Variants in ALK observed in about 807,000 individuals in gnomAD.
ALK encodes the protein ALK tyrosine kinase receptor.
Under a neutral mutation model 163.1 loss-of-function variants are expected in ALK, and 74 were observed. The observed-to-expected ratio is 0.45, with a 90% CI of 0.38 to 0.55. ALK has a LOEUF of 0.55. Ranked by LOEUF, ALK falls within the 20% of genes least tolerant of loss-of-function variation. The pLI is 0.00. For missense variants in ALK, 2,063 were observed against 2,105.3 expected (o/e 0.98, Z 0.39); for synonymous variants, 960 against 843.2 (o/e 1.14, Z -2.40).
chr2:29,794,705 A>G (rs548501436), intron 1 of ALK, among the ~76,000 whole-genome samples: 1 of 152,180 alleles, frequency 6.6e-6, no homozygotes, highest in Non-Finnish European at 1.5e-5. Flanking sequence ...AGGTTGGTAG[A>G]GCAATCAGAG....
chr2:29,717,067 G>C (rs557044345), intron 2 of ALK, among the ~76,000 whole-genome samples: 2 of 150,822 alleles, frequency 1.3e-5, no homozygotes, highest in South Asian at 4.2e-4. Flanking sequence ...AGCTACTCGG[G>C]AGGCTGAGGC....
chr2:29,686,698 C>T (rs1183926561), intron 3 of ALK, among the ~76,000 whole-genome samples: 1 of 152,148 alleles, frequency 6.6e-6, no homozygotes, highest in Non-Finnish European at 1.5e-5. Flanking sequence ...CCATGAGGTT[C>T]AGTTAGGAGG....
intron 4 of ALK, among the ~76,000 whole-genome samples, chr2:29,516,798 G>T (rs1165166684): frequency 1.3e-5 from 2 of 152,262 alleles, no homozygotes; most frequent in South Asian, 4.1e-4. Flanking sequence ...CCAGCATATA[G>T]TAAGTGCTAT....
chr2:29,702,477 G>A (rs527910889), intron 2 of ALK, among the ~76,000 whole-genome samples: 174 of 152,248 alleles, frequency 1.1e-3, no homozygotes, highest in South Asian at 8.3e-3. Flanking sequence ...TGAGTCAGAG[G>A]ACACATCACC....
At chr2:29,440,385 C>T (rs181248858) in intron 4 of ALK, among the ~76,000 whole-genome samples, 269 of 145,054 alleles carry the variant, frequency 1.9e-3, no homozygotes, top group African/African-American at 6.4e-3. Context: ...GGTGCGATCT[C>T]CGCTCACTAT....
rs141839124 is a variant in ALK at position 29,708,985 on chromosome 2, C to G, written c.787+8593G>C. The stretch of plus-strand genomic sequence containing the variant: ...GTTTTGCACCTGAGGTTGCTCTCGA[C>G]AAAACATTTTAAGAGGATTTTCTCT... On this transcript the variant is annotated intron_variant, in intron 2 of 28. Coordinates refer to ENST00000389048, the MANE Select transcript of ALK (RefSeq NM_004304.5). Among the ~76,000 whole-genome samples the G allele has an allele frequency of 3.8e-3, 581 of 152,256 alleles. 4 individuals are homozygous for G. The highest frequency in any genetic ancestry group is 0.013 in the African/African-American group (552 of 41,530).
intron 3 of ALK, among the ~76,000 whole-genome samples, chr2:29,629,988 C>A (rs757719546): frequency 1.8e-4 from 28 of 152,172 alleles, no homozygotes; most frequent in Non-Finnish European, 3.5e-4. Flanking sequence ...TCCTCCCCAC[C>A]CCTGCCCATA....
At chr2:29,589,587 A>G (rs1674988107) in intron 3 of ALK, among the ~76,000 whole-genome samples, 1 of 152,178 alleles carries the variant, frequency 6.6e-6, no homozygotes, top group Admixed American at 6.5e-5. Context: ...TTGCTATGAC[A>G]CACTCAGAGA....
rs77289834 is a variant in ALK, at chr2:29,227,507, T to A, written c.2914+67A>T. On this transcript the variant is annotated intron_variant, in intron 17 of 28. Transcript: ENST00000389048. The surrounding 1 kb of genome is among the most constrained non-coding windows in gnomAD (Gnocchi z 4.4). The stretch of plus-strand genomic sequence containing the variant: ...TATCCTGGATACAGGTCAGAGACTC[T>A]GAGGTTTTAGCTTGGTGGGAGGACT... 3,343 of 1,338,942 alleles carry A rather than the reference T, an allele frequency of 2.5e-3. 72 individuals carry two copies. The African/African-American group carries it at 0.043, about 17-fold the overall frequency. The allele number at this position is 1,338,942 out of a possible 1,614,324, so 82.9% of individuals were successfully genotyped here. A position where few individuals can be genotyped will look rare whatever the true frequency, so the allele number is the denominator to read the frequency against.
intron 1 of ALK, among the ~76,000 whole-genome samples, chr2:29,776,323 T>A (rs1420250562): frequency 3.2e-5 from 4 of 126,504 alleles, no homozygotes; most frequent in African/African-American, 7.9e-5. Context: ...AGGCTGTTCA[T>A]CAAAAATCAA....
chr2:29,440,852 G>A (rs1670523350), intron 4 of ALK, among the ~76,000 whole-genome samples: 1 of 152,216 alleles, frequency 6.6e-6, no homozygotes, highest in African/African-American at 2.4e-5. Flanking sequence ...ATCAATATGA[G>A]ATCATTTAAA....
intron 13 of ALK, among the ~76,000 whole-genome samples, chr2:29,239,381 A>G: frequency 6.6e-6 from 1 of 152,150 alleles, no homozygotes; most frequent in East Asian, 1.9e-4. Context: ...TTCCCAAGCA[A>G]AAGCTGTGCT....
At position 29,522,161 on chromosome 2, in the gene ALK, A is replaced by G. The variant is rs183894203; in HGVS notation, c.1154+9754T>C. Among the ~76,000 whole-genome samples, 442 of 152,294 alleles carry G rather than the reference A, an allele frequency of 2.9e-3. 4 individuals are homozygous for G. The highest frequency in any genetic ancestry group is 0.01 in the African/African-American group (418 of 41,554). On this transcript the variant is annotated intron_variant, in intron 4 of 28. Coordinates refer to ENST00000389048, the MANE Select transcript of ALK (RefSeq NM_004304.5). ...CATAGAGTGGTGATTGGGAGCAGGG[A>G]CAGTGGAGCTGGATTAGCTGGGCTC...
chr2:29,756,537 T>TA (rs1194019765), intron 1 of ALK, among the ~76,000 whole-genome samples: 1 of 151,520 alleles, frequency 6.6e-6, no homozygotes, highest in East Asian at 1.9e-4. Flanking sequence ...TGATTTTTTT[T>TA]TTTTTTTTTG....
At chr2:29,754,473 G>A (rs948294735) in intron 1 of ALK, among the ~76,000 whole-genome samples, 1 of 152,096 alleles carries the variant, frequency 6.6e-6, no homozygotes, top group Non-Finnish European at 1.5e-5. Flanking sequence ...TCTGTGATGA[G>A]GAATACCAAA....
intron 4 of ALK, among the ~76,000 whole-genome samples, chr2:29,427,037 CAAAAAAAA>C (rs70958261): frequency 1.1e-3 from 43 of 40,130 alleles, no homozygotes; most frequent in African/African-American, 4.8e-3. Flanking sequence ...GACTCCGTCT[CAAAAAAAA>C]AAAAAAAAAA....
At chr2:29,868,317 A>C (rs1666492794) in intron 1 of ALK, among the ~76,000 whole-genome samples, 1 of 152,252 alleles carries the variant, frequency 6.6e-6, no homozygotes, top group Non-Finnish European at 1.5e-5. Context: ...TGTATTAGTC[A>C]CATTGTAGGC....
chr2:29,246,907 C>A lies in ALK; in HGVS notation c.2204+4198G>T, dbSNP rs2148193950. Reference sequence around the variant, plus strand: ...AGAGGCCTTTTGGGGGGTAACACTGCAGCCCCAGGACCTGGCCCTGCTGCC... The same window carrying A: ...AGAGGCCTTTTGGGGGGTAACACTGAAGCCCCAGGACCTGGCCCTGCTGCC... On this transcript the variant is annotated intron_variant, in intron 12 of 28. Transcript: ENST00000389048. This position sits in a 1 kb window ranked among gnomAD's most constrained non-coding sequence, Gnocchi z 4.3. 6.6e-6 allele frequency among the ~76,000 whole-genome samples: 1 copy of A among 152,332 alleles called. No individual in the cohort carries two copies. The highest frequency in any genetic ancestry group is 2.4e-5 in the African/African-American group (1 of 41,576).
rs1462099431 is a variant in ALK, at chr2:29,227,918, G to A, written c.2816-246C>T. Among the ~76,000 whole-genome samples, 1 of 152,180 alleles carries A rather than the reference G, an allele frequency of 6.6e-6. No individual in the cohort carries two copies. The highest frequency in any genetic ancestry group is 1.5e-5 in the Non-Finnish European group (1 of 68,036). On this transcript the variant is annotated intron_variant, in intron 16 of 28. Coordinates refer to ENST00000389048, the MANE Select transcript of ALK (RefSeq NM_004304.5). The surrounding 1 kb of genome is among the most constrained non-coding windows in gnomAD (Gnocchi z 4.4). ...CAGGCCAGCTCCCACTCTGCCGGTGGCCCACTAAGAAGTGGTTAATGTGAG... is the reference window on the plus strand; with the variant it reads ...CAGGCCAGCTCCCACTCTGCCGGTGACCCACTAAGAAGTGGTTAATGTGAG...
Sources: gnomAD v4.1 joint callset for allele counts (sites outside exome capture counted in the v4.1 genomes callset) on GRCh38, gnomAD v4.1.1 for gene constraint, Gnocchi (gnomAD v3.1) non-coding constraint, MANE v1.5 for transcripts, NCBI Gene and HGNC (gene_info 2026-07-23, HGNC 2026-07-21) for gene names.